Variants in GSE1 observed in about 807,000 individuals in gnomAD.
The protein encoded by GSE1 is Gse1 coiled-coil protein.
A neutral mutation model predicts 112.6 loss-of-function variants in GSE1; 32 were observed. The observed-to-expected ratio is 0.28, with a 90% confidence interval of 0.21 to 0.38. The LOEUF (loss-of-function observed/expected upper bound fraction) is 0.38. GSE1 is among the 10% of genes least tolerant of loss of function. The pLI is 1.00. For synonymous variants in GSE1, 1,115 were observed against 735.6 expected, an observed-to-expected ratio of 1.52 and a Z score of -8.35; for missense variants, 2,348 against 1,699.2, an observed-to-expected ratio of 1.38 and a Z score of -6.71.
chr16:85,205,497 C>G (rs2075099833), intron 1 of GSE1, among the ~76,000 whole-genome samples: 1 of 152,202 alleles, frequency 6.6e-6, no homozygotes, highest in Non-Finnish European at 1.5e-5. Context: ...CTGAGGCGAC[C>G]CAGCAGAAAC....
intron 1 of GSE1, chr16:85,285,021 C>T (rs2044976608): frequency 6.6e-6 from 1 of 152,360 alleles, no homozygotes; most frequent in East Asian, 1.9e-4. Flanking sequence ...CGGATGCTGA[C>T]ATCAGCGAGC....
intron 1 of GSE1, among the ~76,000 whole-genome samples, chr16:85,605,562 G>A (rs1353006430): frequency 6.6e-6 from 1 of 152,026 alleles, no homozygotes; most frequent in Non-Finnish European, 1.5e-5. Flanking sequence ...AGGGGGACAC[G>A]TTCCTTGCAG....
intron 2 of GSE1, among the ~76,000 whole-genome samples, chr16:85,369,437 A>G (rs1054935069): frequency 6.6e-6 from 1 of 152,016 alleles, no homozygotes; most frequent in Non-Finnish European, 1.5e-5. Flanking sequence ...GCTGGTCTCA[A>G]AATCCAGGCT....
At chr16:85,494,645 C>T (rs1179538759) in intron 2 of GSE1, among the ~76,000 whole-genome samples, 1 of 152,104 alleles carries the variant, frequency 6.6e-6, no homozygotes, top group Non-Finnish European at 1.5e-5. Flanking sequence ...CTCAAGCAAC[C>T]CTCCCTCCTT....
intron 2 of GSE1, among the ~76,000 whole-genome samples, chr16:85,523,302 C>G (rs2052253470): frequency 6.6e-6 from 1 of 151,500 alleles, no homozygotes; most frequent in Non-Finnish European, 1.5e-5. Flanking sequence ...ATGCGTGTGC[C>G]TGTGGTTGTG....
At chr16:85,346,167 T>C (rs944926964) in intron 1 of GSE1, among the ~76,000 whole-genome samples, 1 of 29,924 alleles carries the variant, frequency 3.3e-5, no homozygotes, top group African/African-American at 1.4e-4. Context: ...GAGGGGCGGG[T>C]GGGTGGATGA....
At chr16:85,646,945 G>A (rs2050922542) in intron 2 of GSE1, among the ~76,000 whole-genome samples, 1 of 152,110 alleles carries the variant, frequency 6.6e-6, no homozygotes, top group African/African-American at 2.4e-5. Flanking sequence ...GGGGACAGGA[G>A]GACTCTTGCA....
At chr16:85,656,235 C>A in intron 6 of GSE1, 108 bp from the exon 7 acceptor site, 3 of 1,376,302 alleles carry the variant, frequency 2.2e-6, no homozygotes, top group African/African-American at 1.4e-5. Flanking sequence ...CGTCACTGTT[C>A]AGATTAGCGC....
At chr16:85,637,736 C>G (rs902037604) in intron 2 of GSE1, among the ~76,000 whole-genome samples, 3 of 151,012 alleles carry the variant, frequency 2.0e-5, no homozygotes, top group South Asian at 2.1e-4. Flanking sequence ...GCAGGTGTAG[C>G]CTCCTCCCTG....
At chr16:85,512,761 T>A (rs948145681) in intron 2 of GSE1, among the ~76,000 whole-genome samples, 1 of 152,056 alleles carries the variant, frequency 6.6e-6, no homozygotes, top group Non-Finnish European at 1.5e-5. Flanking sequence ...GGGGGCTGAT[T>A]AGCCAGTGAT....
At chr16:85,580,276 C>T (rs1323071621) in intron 1 of GSE1, 1 of 152,560 alleles carries the variant, frequency 6.6e-6, no homozygotes, top group Non-Finnish European at 1.5e-5. Flanking sequence ...ATGTTCCAGT[C>T]TCACAGTGGA....
chr16:85,646,024 T>G (rs945574143), intron 2 of GSE1, among the ~76,000 whole-genome samples: 1 of 147,822 alleles, frequency 6.8e-6, no homozygotes, highest in African/African-American at 2.6e-5. Context: ...CTCCCACGCT[T>G]TCTATGCATG....
In GSE1 at chr16:85,577,654, C is replaced by T. The variant is rs116537528; in HGVS notation, c.37+21291C>T. Among the ~76,000 whole-genome samples the T allele has an allele frequency of 1.4e-3, 217 of 152,150 alleles. 2 individuals are homozygous for T. The highest frequency in any genetic ancestry group is 4.9e-3 in the African/African-American group (203 of 41,514). On this transcript the variant is annotated intron_variant, in intron 1 of 2. Coordinates refer to the GSE1 transcript ENST00000635906. The stretch of plus-strand genomic sequence containing the variant: ...CCCAGGGTGAGTGTGGCACAGAGGT[C>T]GAGGGTCACCCGGCAGGTCCTGATC...
chr16:85,303,702 G>A (rs1418777949), intron 1 of GSE1, among the ~76,000 whole-genome samples: 1 of 152,252 alleles, frequency 6.6e-6, no homozygotes, highest in Non-Finnish European at 1.5e-5. Flanking sequence ...GCCGGGCGCT[G>A]GGGCCACAGG....
intron 1 of GSE1, among the ~76,000 whole-genome samples, chr16:85,288,024 G>A (rs770213224): frequency 3.3e-5 from 5 of 152,230 alleles, no homozygotes; most frequent in Non-Finnish European, 7.3e-5. Context: ...CGGATCACCT[G>A]AGGTTAGGAG....
intron 1 of GSE1, among the ~76,000 whole-genome samples, chr16:85,181,938 C>T (rs1238564780): frequency 2.6e-5 from 4 of 152,194 alleles, no homozygotes; most frequent in South Asian, 2.1e-4. Context: ...GTCCTCCAGG[C>T]GTGCCCTTGC....
At chr16:85,389,497 A>G (rs1008871819) in intron 2 of GSE1, among the ~76,000 whole-genome samples, 2 of 150,128 alleles carry the variant, frequency 1.3e-5, no homozygotes, top group African/African-American at 4.9e-5. Context: ...TGCTAGGGTC[A>G]TACCAGGGGC....
chr16:85,507,133 G>A lies in GSE1; in HGVS notation c.2465-126781G>A, dbSNP rs942000835. ...CTGAGAAGATCCATCAGCGGGCGTC[G>A]TCGACGCTCGCCGGCCCTGAACCAC... On this transcript the variant is annotated intron_variant, in intron 2 of 2. Transcript: ENST00000637419. Among the ~76,000 whole-genome samples, 15 of 152,178 alleles carry A rather than the reference G, an allele frequency of 9.9e-5. 1 individual carries two copies. Among genetic ancestry groups the A allele is most frequent in the Admixed American group, 4.6e-4 (7 of 15,282 alleles).
intron 2 of GSE1, among the ~76,000 whole-genome samples, chr16:85,550,867 C>T (rs757902066): frequency 2.0e-5 from 3 of 152,226 alleles, no homozygotes; most frequent in Non-Finnish European, 2.9e-5. Context: ...CGGCGGGCCG[C>T]ATGCCGCCTC....
Sources: allele counts gnomAD v4.1 joint callset (sites outside exome capture counted in the v4.1 genomes callset), GRCh38; gene constraint gnomAD v4.1.1; transcripts MANE v1.5; gene names NCBI Gene and HGNC (gene_info 2026-07-23, HGNC 2026-07-21).